IRAK1BP1: variants seen among roughly 807,000 people sequenced by gnomAD.
The protein encoded by IRAK1BP1 is interleukin-1 receptor-associated kinase 1-binding protein 1.
Under a neutral mutation model 28.0 loss-of-function variants are expected in IRAK1BP1, and 24 were observed. The observed-to-expected ratio is 0.86, with a 90% CI of 0.62 to 1.20. The LOEUF is 1.20. Among genes scored for constraint, IRAK1BP1 ranks in the 50% most tolerant of loss-of-function variants. The pLI is 0.00. For synonymous variants in IRAK1BP1, 131 were observed against 116.3 expected, an observed-to-expected ratio of 1.13 and a Z score of -0.81; for missense variants, 336 against 316.7, an observed-to-expected ratio of 1.06 and a Z score of -0.46.
At chr6:78,875,529 A>G (rs1770967236) in intron 1 of IRAK1BP1, among the ~76,000 whole-genome samples, 1 of 152,248 alleles carries the variant, frequency 6.6e-6, no homozygotes, top group Non-Finnish European at 1.5e-5. Flanking sequence ...ATGCTTATAC[A>G]CAATGAAATA....
At chr6:78,970,936 T>A in the IRAK1BP1 span, 3 of 1,260,690 alleles carry the variant, frequency 2.4e-6, no homozygotes, top group Non-Finnish European at 2.3e-6. Context: ...TTTCCTTTAA[T>A]CCAATATACA....
chr6:78,975,380 A>G, the IRAK1BP1 span, among the ~76,000 whole-genome samples: 3 of 152,218 alleles, frequency 2.0e-5, no homozygotes. Flanking sequence ...ATTTCAAAAT[A>G]ATCAGAGCTA....
chr6:78,917,743 A>G (rs9343849), intron 4 of IRAK1BP1, among the ~76,000 whole-genome samples: 51,115 of 151,900 alleles, frequency 0.34, 8,754 homozygotes, highest in Non-Finnish European at 0.36. Context: ...GAAAGCTAAC[A>G]GCAGGAGATA....
chr6:78,955,031 T>C, the IRAK1BP1 span: 539,634 of 1,095,788 alleles, frequency 0.49, 136,074 homozygotes, highest in East Asian at 0.67. Flanking sequence ...ACTTTTAATG[T>C]AGTCTTAGAT....
the IRAK1BP1 span, among the ~76,000 whole-genome samples, chr6:78,952,644 T>C: frequency 6.6e-6 from 1 of 152,134 alleles, no homozygotes; most frequent in Non-Finnish European, 1.5e-5. Flanking sequence ...TTTGCTTAGA[T>C]CTTTACACTT....
At chr6:78,936,696 T>C (rs1442027343) in intron 4 of IRAK1BP1, 1 of 151,900 alleles carries the variant, frequency 6.6e-6, no homozygotes, top group Non-Finnish European at 1.5e-5. Context: ...CTCACTGTTC[T>C]ACTGCAGTGT....
chr6:78,915,427 C>T (rs575416790), intron 4 of IRAK1BP1, among the ~76,000 whole-genome samples: 27 of 152,324 alleles, frequency 1.8e-4, no homozygotes, highest in African/African-American at 6.5e-4. Context: ...ACGTGCCTCA[C>T]AGAGTTTCAC....
exon 5 of IRAK1BP1, chr6:78,945,599 T>A: frequency 1.4e-6 from 1 of 732,052 alleles, no homozygotes. Flanking sequence ...CAACAAAACC[T>A]GAAGGATGCT....
chr6:78,878,021 A>G lies in IRAK1BP1; in HGVS notation c.316-7357A>G, dbSNP rs892749548. ...AAGCTCAAACTGGGTGGATCCCACCACAGCTCAAGGAGACCTGCCTGCCAC... is the reference window on the plus strand; with the variant it reads ...AAGCTCAAACTGGGTGGATCCCACCGCAGCTCAAGGAGACCTGCCTGCCAC... On this transcript the variant is annotated intron_variant, in intron 1 of 3. Coordinates refer to ENST00000369940, the MANE Select transcript of IRAK1BP1 (RefSeq NM_001010844.4). Among the ~76,000 whole-genome samples, 14 of 151,620 alleles carry G rather than the reference A, an allele frequency of 9.2e-5. 1 individual carries two copies. The highest frequency in any genetic ancestry group is 1.9e-4 in the East Asian group (1 of 5,172).
chr6:78,961,342 G>A, the IRAK1BP1 span, among the ~76,000 whole-genome samples: 5 of 151,768 alleles, frequency 3.3e-5, no homozygotes, highest in African/African-American at 1.2e-4. Flanking sequence ...ATATTTTAAT[G>A]TTATCTAGGA....
Position 78,902,907 on chromosome 6 carries a change from A to G in IRAK1BP1, c.*4573A>G. 1 of 707,498 alleles carries G rather than the reference A, an allele frequency of 1.4e-6. No homozygotes were observed. The highest frequency in any genetic ancestry group is 2.4e-6 in the Non-Finnish European group (1 of 423,290). 43.8% of individuals were successfully genotyped at this position (707,498 alleles called of 1,614,324 possible). ...TCTTCAAGAGAGGTAATATTAATAG[A>G]AATCTTTCAAGAAGGATTGTTTTCT... On this transcript the variant is annotated 3_prime_UTR_variant, in exon 4 of 4. Coordinates refer to ENST00000369940, the MANE Select transcript of IRAK1BP1 (RefSeq NM_001010844.4).
At chr6:78,924,862 T>C (rs1772844122) in intron 4 of IRAK1BP1, among the ~76,000 whole-genome samples, 1 of 152,208 alleles carries the variant, frequency 6.6e-6, no homozygotes, top group Non-Finnish European at 1.5e-5. Context: ...TAAAGAGACA[T>C]GCACACATAT....
chr6:78,929,810 G>A (rs1451567839), intron 4 of IRAK1BP1, among the ~76,000 whole-genome samples: 1 of 152,124 alleles, frequency 6.6e-6, no homozygotes, highest in Non-Finnish European at 1.5e-5. Flanking sequence ...TTAGTCTGGA[G>A]TACCTAAACT....
downstream of IRAK1BP1, among the ~76,000 whole-genome samples, chr6:78,950,555 G>A (rs1360474474): frequency 1.3e-5 from 2 of 152,184 alleles, no homozygotes; most frequent in Non-Finnish European, 2.9e-5. Context: ...CATACTGGGT[G>A]AGTTGTGGTA....
the IRAK1BP1 span, chr6:78,958,179 T>C: frequency 4.8e-6 from 1 of 207,080 alleles, no homozygotes; most frequent in Non-Finnish European, 9.6e-6. Flanking sequence ...CTATTATTAT[T>C]GTCTAACAGT....
At chr6:78,909,985 A>G (rs1772361452) in intron 4 of IRAK1BP1, among the ~76,000 whole-genome samples, 1 of 152,230 alleles carries the variant, frequency 6.6e-6, no homozygotes, top group South Asian at 2.1e-4. Flanking sequence ...AAGGGAAACA[A>G]TGAAAAAGTT....
chr6:78,896,381 T>C (rs911038768), intron 2 of IRAK1BP1, among the ~76,000 whole-genome samples: 1 of 148,210 alleles, frequency 6.7e-6, no homozygotes, highest in Admixed American at 6.7e-5. Context: ...ACGAATACTA[T>C]TCAGCATAAA....
chr6:78,906,860 A>G (rs192538117), downstream of IRAK1BP1, among the ~76,000 whole-genome samples: 83 of 152,326 alleles, frequency 5.4e-4, no homozygotes, highest in Non-Finnish European at 2.2e-4. Context: ...GTATTAATTA[A>G]TCACATTATT....
chr6:78,962,145 CTAT>C, the IRAK1BP1 span, among the ~76,000 whole-genome samples: 1 of 152,106 alleles, frequency 6.6e-6, no homozygotes, highest in South Asian at 2.1e-4. Context: ...CAAAGCCATT[CTAT>C]TATTAACACT....
Sources: gnomAD v4.1 joint callset for allele counts (sites outside exome capture counted in the v4.1 genomes callset) on GRCh38, gnomAD v4.1.1 for gene constraint, MANE v1.5 for transcripts, NCBI Gene and HGNC (gene_info 2026-07-23, HGNC 2026-07-21) for gene names.